The following CYP27C1 variants were observed in gnomAD, a reference collection of about 807,000 sequenced individuals.
The protein encoded by CYP27C1 is cytochrome P450 27C1.
Under a neutral mutation model 40.6 loss-of-function variants are expected in CYP27C1, and 29 were observed. The ratio of observed to expected loss-of-function variants is 0.71; its 90% CI spans 0.53 to 0.97. The LOEUF (loss-of-function observed/expected upper bound fraction) is 0.97. CYP27C1 is among the 50% of genes least tolerant of loss of function. The pLI is 0.00. For synonymous variants in CYP27C1, 198 were observed against 186.8 expected (o/e 1.06, Z -0.49); for missense variants, 390 against 485.8 (o/e 0.80, Z 1.85).
At chr2:127,194,634 T>C (rs1349527839) in intron 6 of CYP27C1, among the ~76,000 whole-genome samples, 1 of 152,136 alleles carries the variant, frequency 6.6e-6, no homozygotes, top group Non-Finnish European at 1.5e-5. Flanking sequence ...GATGAGAACA[T>C]TCACTCAAGA....
At position 127,201,876 on chromosome 2, in the gene CYP27C1, C is replaced by G. The variant is rs1171549054; in HGVS notation, c.674-545G>C. Among the ~76,000 whole-genome samples, 1 of 152,158 alleles carries G rather than the reference C, an allele frequency of 6.6e-6. No homozygotes were observed. Among genetic ancestry groups the G allele is most frequent in the Non-Finnish European group, 1.5e-5 (1 of 68,028 alleles). The stretch of plus-strand genomic sequence containing the variant: ...AAACGCAGAGCCCAGGCCTGGAGAG[C>G]TAAAGGCGCAGCAGAAGTGGCCTGG... On this transcript the variant is annotated intron_variant, in intron 3 of 8. Transcript: ENST00000664447. This position sits in a 1 kb window ranked among gnomAD's most constrained non-coding sequence, Gnocchi z 6.0.
At position 127,203,691 on chromosome 2, in the gene CYP27C1, T is replaced by C. The variant is rs571826580; in HGVS notation, c.474-120A>G. On this transcript the variant is annotated intron_variant, in intron 2 of 8. Transcript: ENST00000664447. ...AATCAACAAGAGCTGCCCAACAAAG[T>C]AGAATTAAGACAGGAAAGACTTTTT... 5.8e-5 allele frequency: 58 copies of C among 1,000,702 alleles called. 1 individual carries two copies. The South Asian group carries it at 6.7e-4, about 12-fold the overall frequency. 62.0% of individuals were successfully genotyped at this position (1,000,702 alleles called of 1,614,324 possible).
chr2:127,214,652 T>C (rs4560059), intron 1 of CYP27C1, among the ~76,000 whole-genome samples: 62,237 of 151,660 alleles, frequency 0.41, 13,584 homozygotes, highest in East Asian at 0.61. Flanking sequence ...GGGAATAACA[T>C]ACACCAGGGC....
chr2:127,187,396 A>G lies in CYP27C1; in HGVS notation c.1498-9T>C. 1 of 1,609,414 alleles carries G rather than the reference A, an allele frequency of 6.2e-7. No homozygotes were observed. Among genetic ancestry groups the G allele is most frequent in the Non-Finnish European group, 8.5e-7 (1 of 1,175,756 alleles). On this transcript the variant is annotated splice_polypyrimidine_tract_variant and intron_variant, in intron 8 of 8. Transcript: ENST00000664447. ...TCAAAATGTTGAAGCAACTAAGAAGAGAAAGAGAGAGAAGGGGTCAGAATT... is the reference window on the plus strand; with the variant it reads ...TCAAAATGTTGAAGCAACTAAGAAGGGAAAGAGAGAGAAGGGGTCAGAATT...
chr2:127,201,006 C>G lies in CYP27C1; in HGVS notation c.883+116G>C. On this transcript the variant is annotated intron_variant, in intron 4 of 8. Transcript: ENST00000664447. This position sits in a 1 kb window ranked among gnomAD's most constrained non-coding sequence, Gnocchi z 6.0. ...AAAGTTATGGGTCCAAAAACTAACACGTGACTACATCTAGGCATCCTCTGC... is the reference window on the plus strand; with the variant it reads ...AAAGTTATGGGTCCAAAAACTAACAGGTGACTACATCTAGGCATCCTCTGC... 1 of 1,044,342 alleles carries G rather than the reference C, an allele frequency of 9.6e-7. No individual in the cohort carries two copies. Among genetic ancestry groups the G allele is most frequent in the Non-Finnish European group, 1.4e-6 (1 of 709,086 alleles). 64.7% of individuals were successfully genotyped at this position (1,044,342 alleles called of 1,614,324 possible).
At chr2:127,198,214 C>CACACACAT (rs61409970) in intron 5 of CYP27C1, among the ~76,000 whole-genome samples, 1 of 151,728 alleles carries the variant, frequency 6.6e-6, no homozygotes, top group Non-Finnish European at 1.5e-5. Flanking sequence ...CACACACACA[C>CACACACAT]GCACTCATCA....
At position 127,195,646 on chromosome 2, in the gene CYP27C1, C is replaced by T; in HGVS notation, c.1048-145G>A. 1.5e-6 allele frequency: 1 copy of T among 676,468 alleles called. No individual in the cohort carries two copies. The highest frequency in any genetic ancestry group is 2.4e-6 in the Non-Finnish European group (1 of 421,960). 41.9% of individuals were successfully genotyped at this position (676,468 alleles called of 1,614,324 possible). A position where few individuals can be genotyped will look rare whatever the true frequency, so the allele number is the denominator to read the frequency against. ...ATTCCATATAGCACCTAATGTCTTA[C>T]TAAAAACGAAAGACTGTTTCCTTAA... On this transcript the variant is annotated intron_variant, in intron 5 of 8. Coordinates refer to ENST00000664447, the MANE Select transcript of CYP27C1 (RefSeq NM_001367502.1). The surrounding 1 kb of genome is among the most constrained non-coding windows in gnomAD (Gnocchi z 6.2).
chr2:127,212,301 C>CAAAAAA (rs1683355179), intron 1 of CYP27C1, among the ~76,000 whole-genome samples: 1 of 152,124 alleles, frequency 6.6e-6, no homozygotes. Context: ...GAAGGGACTC[C>CAAAAAA]CCCCTAACTC....
rs1683089598 is a variant in CYP27C1, at chr2:127,203,466, G to A, written c.579C>T (p.Asp193=). Reference sequence around the variant, plus strand: ...TGAGGAGGTAGATTCTTTTAATTAAGTCAGCAATAACTTGGTTGACTTCTC... The same window carrying A: ...TGAGGAGGTAGATTCTTTTAATTAAATCAGCAATAACTTGGTTGACTTCTC... ...YSGEVNQVIA[D]LIKRIYLLRS... Residue 193 remains aspartate (D), a synonymous_variant, in exon 3 of 9, where the codon GAC becomes GAT. Coordinates refer to ENST00000664447, the MANE Select transcript of CYP27C1 (RefSeq NM_001367502.1). 1.2e-6 allele frequency: 2 copies of A among 1,613,952 alleles called. No homozygotes were observed. The highest frequency in any genetic ancestry group is 1.7e-6 in the Non-Finnish European group (2 of 1,180,012).
intron 7 of CYP27C1, 127 bp from the exon 8 acceptor site, chr2:127,193,424 A>G: frequency 2.9e-6 from 3 of 1,040,098 alleles, no homozygotes; most frequent in South Asian, 1.5e-5. Flanking sequence ...GGGTCCACTC[A>G]CACCCAGGAT....
chr2:127,191,734 C>A (rs1383527186), intron 8 of CYP27C1, among the ~76,000 whole-genome samples: 2 of 152,228 alleles, frequency 1.3e-5, no homozygotes, highest in African/African-American at 4.8e-5. Flanking sequence ...GGTCCCGGAG[C>A]CAGCAAGTGG....
chr2:127,197,047 T>C (rs1418875789), intron 5 of CYP27C1, among the ~76,000 whole-genome samples: 3 of 152,238 alleles, frequency 2.0e-5, no homozygotes, highest in Non-Finnish European at 2.9e-5. Context: ...CTGGCTTCTA[T>C]TGTAGGATGC....
chr2:127,190,596 T>G (rs1199558339), intron 8 of CYP27C1, among the ~76,000 whole-genome samples: 1 of 149,672 alleles, frequency 6.7e-6, no homozygotes, highest in African/African-American at 2.4e-5. Context: ...TGCCTTGGCC[T>G]CCCAAAGTGC....
rs546847026 is a variant in CYP27C1 at position 127,219,048 on chromosome 2, C to G, written c.282+941G>C. Among the ~76,000 whole-genome samples, 6 of 152,146 alleles carry G rather than the reference C, an allele frequency of 3.9e-5. No individual in the cohort carries two copies. The highest frequency in any genetic ancestry group is 8.8e-5 in the Non-Finnish European group (6 of 67,992). ...CCTGCCTCCAGTCCCGGCGCGAACT[C>G]CAGGTGTCGCCCCCAACTCCGGCTT... On this transcript the variant is annotated intron_variant, in intron 1 of 8. Coordinates refer to ENST00000664447, the MANE Select transcript of CYP27C1 (RefSeq NM_001367502.1). The surrounding 1 kb of genome is among the most constrained non-coding windows in gnomAD (Gnocchi z 8.7).
chr2:127,184,053 T>C lies in CYP27C1; in HGVS notation c.*3218A>G, dbSNP rs374821002. On this transcript the variant is annotated 3_prime_UTR_variant, in exon 9 of 9. Transcript: ENST00000664447. The stretch of plus-strand genomic sequence containing the variant: ...ATTTTAAAGCAAATCCAAGATGCCA[T>C]AACATTTCAGCCATAAACATTTATA... 2.0e-5 allele frequency: 3 copies of C among 152,346 alleles called. No individual in the cohort carries two copies. The highest frequency in any genetic ancestry group is 4.4e-5 in the Non-Finnish European group (3 of 68,034). The allele number at this position is 152,346 out of a possible 1,614,324, so 9.4% of individuals were successfully genotyped here.
chr2:127,197,443 G>T (rs796277767), intron 5 of CYP27C1, among the ~76,000 whole-genome samples: 3 of 152,222 alleles, frequency 2.0e-5, no homozygotes, highest in African/African-American at 7.2e-5. Context: ...TGTGCGGGGC[G>T]TGCCTTATTC....
rs765423286 is a variant in CYP27C1 at position 127,187,218 on chromosome 2, A to T, written c.*53T>A. 15 of 1,416,686 alleles carry T rather than the reference A, an allele frequency of 1.1e-5. No homozygotes were observed. The highest frequency in any genetic ancestry group is 1.5e-5 in the Non-Finnish European group (15 of 1,002,090). The allele number at this position is 1,416,686 out of a possible 1,614,324, so 87.8% of individuals were successfully genotyped here. On this transcript the variant is annotated 3_prime_UTR_variant, in exon 9 of 9. Transcript: ENST00000664447. ...CGGTGATCAGCGAACACAAATACCCACTGTGTGTCGGCGAGCTGGTCTGCT... is the reference window on the plus strand; with the variant it reads ...CGGTGATCAGCGAACACAAATACCCTCTGTGTGTCGGCGAGCTGGTCTGCT...
rs1683272926 is a variant in CYP27C1, at chr2:127,208,368, G to A, written c.283-2278C>T. On this transcript the variant is annotated intron_variant, in intron 1 of 8. Transcript: ENST00000664447. The surrounding 1 kb of genome is among the most constrained non-coding windows in gnomAD (Gnocchi z 5.2). ...AACTGTGCTTTTTCCACAGAACTGT[G>A]CAACCTACAGGTCAGAAGATCCCAC... 6.6e-6 allele frequency among the ~76,000 whole-genome samples: 1 copy of A among 152,170 alleles called. No individual in the cohort carries two copies. The highest frequency in any genetic ancestry group is 1.5e-5 in the Non-Finnish European group (1 of 68,034).
At position 127,220,218 on chromosome 2, in the gene CYP27C1, C is replaced by G. The variant is rs575619163; in HGVS notation, c.53G>C (p.Arg18Pro). The G allele has an allele frequency of 1.3e-5, 2 of 150,848 alleles. No individual in the cohort carries two copies. Among genetic ancestry groups the G allele is most frequent in the African/African-American group, 2.4e-5 (1 of 41,296 alleles). 9.3% of individuals were successfully genotyped at this position (150,848 alleles called of 1,614,324 possible). A position where few individuals can be genotyped will look rare whatever the true frequency, so the allele number is the denominator to read the frequency against. ...GGCCCCGCCGCCCAGGAGCCCACCC[C>G]GCTCGGGCGCCGGCCGCAGCCCGGC... The part of the protein sequence containing the change: ...LRAGLRPAPE[R>P]GGLLGGGAPR... Residue 18 changes from arginine to proline, a missense_variant, in exon 1 of 9, where the codon CGG becomes CCG. Transcript: ENST00000664447. The surrounding 1 kb of genome is among the most constrained non-coding windows in gnomAD (Gnocchi z 4.6).
Sources: gnomAD v4.1 joint callset for allele counts (sites outside exome capture counted in the v4.1 genomes callset) on GRCh38, gnomAD v4.1.1 for gene constraint, Gnocchi (gnomAD v3.1) non-coding constraint, MANE v1.5 for transcripts, NCBI Gene and HGNC (gene_info 2026-07-23, HGNC 2026-07-21) for gene names.